The following GTPBP3 variants were observed in gnomAD, a reference collection of about 807,000 sequenced individuals.
GTPBP3 encodes GTP binding protein 3, mitochondrial.
GTPBP3 carries 35 observed loss-of-function variants against 42.0 expected under a neutral mutation model. That is an observed-to-expected ratio of 0.83 (90% confidence interval 0.64 to 1.10). The LOEUF (loss-of-function observed/expected upper bound fraction) is 1.10. Among genes scored for constraint, GTPBP3 ranks in the 50% least tolerant of loss-of-function variants. The probability of loss-of-function intolerance (pLI) is 0.00; values close to 1 mark genes in which losing one functional copy is unlikely to be tolerated. For synonymous variants in GTPBP3, 332 were observed against 314.9 expected (o/e 1.05, Z -0.58); for missense variants, 691 against 685.2 (o/e 1.01, Z -0.09).
rs571697848 is a variant in GTPBP3 at position 17,341,376 on chromosome 19, C to T, written c.1253+54C>T. 7.1e-6 allele frequency: 11 copies of T among 1,550,858 alleles called. No individual in the cohort carries two copies. In the East Asian group the frequency reaches 9.1e-5, roughly 13 times the overall value. ...CTGACCCACAGTTTAAGTGTGGGTC[C>T]CTCAACTTCAATTTCTGAACCTACA... On this transcript the variant is annotated intron_variant, in intron 8 of 8. Transcript: ENST00000324894.
rs776858304 is a variant in GTPBP3 at position 17,338,683 on chromosome 19, G to A, written c.533G>A (p.Arg178Lys). 3 of 1,613,684 alleles carry A rather than the reference G, an allele frequency of 1.9e-6. No homozygotes were observed. The East Asian group carries it at 6.7e-5, about 36-fold the overall frequency. ...GAGGCGCAGCGGCGGCAGGCCCTCA[G>A]GCAGCTGGACGGAGAGCTGGGCCAC... ...ETEAQRRQAL[R>K]QLDGELGHLC... is the part of the protein sequence containing the mutation. The change falls in exon 4 of 9, where the codon AGG becomes AAG. Residue 178 changes from arginine (R) to lysine (K), a missense_variant. Physicochemically the swap from Arg to Lys is conservative, Grantham distance 26. Coordinates refer to ENST00000324894, the MANE Select transcript of GTPBP3 (RefSeq NM_032620.4).
chr19:17,339,795 G>A (rs2074411132), intron 7 of GTPBP3, among the ~76,000 whole-genome samples, 196 bp downstream of exon 7: 1 of 146,748 alleles, frequency 6.8e-6, no homozygotes, highest in South Asian at 2.2e-4. Flanking sequence ...CGCCCAGGCT[G>A]GAGTGCAGTG....
In GTPBP3 at chr19:17,338,245, C is replaced by T. The variant is rs887713106; in HGVS notation, c.291C>T (p.Leu97=). The change falls in exon 2 of 9, where the codon CTC becomes CTT. Residue 97 remains leucine (L), a synonymous_variant. Transcript: ENST00000324894. ...SGEPLDRALV[L]WFPGPQSFTG... is the part of the protein sequence containing the mutation. ...AGCCTCTGGACCGCGCACTGGTGCT[C>T]TGGTTCCCAGGTGAGGGTCCCCAGG... The T allele has an allele frequency of 6.3e-7, 1 of 1,589,920 alleles. No individual in the cohort carries two copies. Among genetic ancestry groups the T allele is most frequent in the East Asian group, 2.3e-5 (1 of 44,088 alleles).
In GTPBP3 at chr19:17,338,054, G is replaced by A. The variant is rs1298983038; in HGVS notation, c.100G>A (p.Ala34Thr). ...SSGAPAPGSG[A>T]TIFALSSGQG... is the part of the protein sequence containing the mutation. ...CGGCGCACCAGCCCCCGGCTCCGGC[G>A]CCACCATCTTCGCGCTAAGCTCTGG... The change falls in exon 2 of 9, where the codon GCC becomes ACC. Residue 34 changes from alanine (A) to threonine (T), a missense_variant. Coordinates refer to ENST00000324894, the MANE Select transcript of GTPBP3 (RefSeq NM_032620.4). 5 of 1,597,702 alleles carry A rather than the reference G, an allele frequency of 3.1e-6. No homozygotes were observed. In the African/African-American group the frequency reaches 6.7e-5, roughly 21 times the overall value.
chr19:17,338,054 G>T lies in GTPBP3; in HGVS notation c.100G>T (p.Ala34Ser). 1 of 1,597,820 alleles carries T rather than the reference G, an allele frequency of 6.3e-7. No individual in the cohort carries two copies. The highest frequency in any genetic ancestry group is 8.5e-7 in the Non-Finnish European group (1 of 1,179,448). Residue 34 changes from alanine to serine, a missense_variant, in exon 2 of 9, where the codon GCC (alanine) becomes TCC (serine). Transcript: ENST00000324894. Reference protein sequence around the residue: ...SSGAPAPGSGATIFALSSGQG... With the variant: ...SSGAPAPGSGSTIFALSSGQG... ...CGGCGCACCAGCCCCCGGCTCCGGC[G>T]CCACCATCTTCGCGCTAAGCTCTGG...
rs774570919 is a variant in GTPBP3, at chr19:17,338,645, C to T, written c.495C>T (p.Ile165=). 70 of 1,613,800 alleles carry T rather than the reference C, an allele frequency of 4.3e-5. No individual in the cohort carries two copies. The highest frequency in any genetic ancestry group is 5.6e-5 in the Non-Finnish European group (66 of 1,179,980). ...LTEVEGLADL[I]HAETEAQRRQ... ...AAGTGGAGGGGCTGGCGGACCTTAT[C>T]CACGCGGAAACAGAGGCGCAGCGGC... Residue 165 remains isoleucine, a synonymous_variant, in exon 4 of 9, where the codon ATC becomes ATT. Coordinates refer to ENST00000324894, the MANE Select transcript of GTPBP3 (RefSeq NM_032620.4).
rs1568365690 is a variant in GTPBP3 at position 17,338,155 on chromosome 19, AC to A, written c.205del (p.Arg69GlufsTer54). On this transcript the variant is annotated frameshift_variant, in exon 2 of 9. Transcript: ENST00000324894. LOFTEE classifies it high-confidence loss of function. Reference protein sequence around the residue: ...SGHALRILTAPRDLPLARHAS... With the variant: ...SGHALRILTAXRDLPLARHAS... ...GCCACGCCCTCCGAATTCTCACAGC[AC>A]CCCGAGACCTGCCCCTTGCTCGCCA... 1 of 1,592,002 alleles carries A rather than the reference AC, an allele frequency of 6.3e-7. No individual in the cohort carries two copies. Among genetic ancestry groups the A allele is most frequent in the Non-Finnish European group, 8.5e-7 (1 of 1,176,480 alleles).
At chr19:17,340,844 C>T in intron 7 of GTPBP3, 200 bp from the exon 8 acceptor site, 1 of 486,856 alleles carries the variant, frequency 2.1e-6, no homozygotes, top group Non-Finnish European at 3.7e-6. Flanking sequence ...CTGTGCCCCG[C>T]CCCTCTTGCT....
intron 7 of GTPBP3, among the ~76,000 whole-genome samples, chr19:17,340,161 A>G (rs893617325): frequency 6.6e-6 from 1 of 151,732 alleles, no homozygotes; most frequent in African/African-American, 2.4e-5. Context: ...GGGCCTCCCG[A>G]GTAGCTGGGA....
chr19:17,339,556 G>T lies in GTPBP3; in HGVS notation c.931G>T (p.Val311Leu), dbSNP rs140393384. The T allele has an allele frequency of 6.2e-7, 1 of 1,612,508 alleles. No individual in the cohort carries two copies. The highest frequency in any genetic ancestry group is 8.5e-7 in the Non-Finnish European group (1 of 1,179,666). The stretch of plus-strand genomic sequence containing the variant: ...CGACACGGCTGGGTTGCGGGAGGGC[G>T]TGGGGCCCGTGGAGCAGGAGGGCGT... Reference protein sequence around the residue: ...LSDTAGLREGVGPVEQEGVRR... With the variant: ...LSDTAGLREGLGPVEQEGVRR... The change falls in exon 7 of 9, where the codon GTG (valine) becomes TTG (leucine). Residue 311 changes from valine (V) to leucine (L), a missense_variant. Val to Leu is a conservative substitution (Grantham distance 32). Coordinates refer to ENST00000324894, the MANE Select transcript of GTPBP3 (RefSeq NM_032620.4).
Position 17,339,565 on chromosome 19 carries a change from G to T in GTPBP3, c.940G>T (p.Val314Leu). Residue 314 changes from valine (V) to leucine (L), a missense_variant, in exon 7 of 9, where the codon GTG (valine) becomes TTG (leucine). Coordinates refer to ENST00000324894, the MANE Select transcript of GTPBP3 (RefSeq NM_032620.4). Reference sequence around the variant, plus strand: ...TGGGTTGCGGGAGGGCGTGGGGCCCGTGGAGCAGGAGGGCGTGCGGCGCGC... The same window carrying T: ...TGGGTTGCGGGAGGGCGTGGGGCCCTTGGAGCAGGAGGGCGTGCGGCGCGC... The part of the protein sequence containing the change: ...TAGLREGVGP[V>L]EQEGVRRARE... 6.2e-7 allele frequency: 1 copy of T among 1,612,134 alleles called. No individual in the cohort carries two copies. Among genetic ancestry groups the T allele is most frequent in the Non-Finnish European group, 8.5e-7 (1 of 1,179,614 alleles).
Position 17,338,044 on chromosome 19 carries a change from C to G in GTPBP3, c.90C>G (p.Pro30=), listed in dbSNP as rs1470781128. The change falls in exon 2 of 9, where the codon CCC becomes CCG. Residue 30 remains proline (P), a synonymous_variant. Coordinates refer to ENST00000324894, the MANE Select transcript of GTPBP3 (RefSeq NM_032620.4). ...CTRRSSGAPA[P]GSGATIFALS... is the part of the protein sequence containing the mutation. ...GCCGGAGCAGCGGCGCACCAGCCCC[C>G]GGCTCCGGCGCCACCATCTTCGCGC... is the stretch of plus-strand genomic sequence containing the variant. 1.9e-6 allele frequency: 3 copies of G among 1,597,912 alleles called. No homozygotes were observed. The highest frequency in any genetic ancestry group is 2.2e-5 in the East Asian group (1 of 44,824).
chr19:17,337,758 G>T, intron 1 of GTPBP3, 94 bp downstream of exon 1: 1 of 1,367,868 alleles, frequency 7.3e-7, no homozygotes. Context: ...CCCTGCGGCA[G>T]AGCAATCATT....
rs2074437079 is a variant in GTPBP3, at chr19:17,341,938, G to A, written c.*235G>A. On this transcript the variant is annotated 3_prime_UTR_variant, in exon 9 of 9. Coordinates refer to ENST00000324894, the MANE Select transcript of GTPBP3 (RefSeq NM_032620.4). ...CGACCCTTGATGCTGGGGCATCCGG[G>A]TTGGGATGGAGATAGGAGGATCTCA... 4.7e-6 allele frequency: 2 copies of A among 426,784 alleles called. No homozygotes were observed. The highest frequency in any genetic ancestry group is 4.1e-5 in the African/African-American group (2 of 49,246). The allele number at this position is 426,784 out of a possible 1,614,324, so 26.4% of individuals were successfully genotyped here. A position where few individuals can be genotyped will look rare whatever the true frequency, so the allele number is the denominator to read the frequency against.
At position 17,339,589 on chromosome 19, in the gene GTPBP3, G is replaced by T. The variant is rs372174278; in HGVS notation, c.964G>T (p.Ala322Ser). Residue 322 changes from alanine (A) to serine (S), a missense_variant, in exon 7 of 9, where the codon GCC (alanine) becomes TCC (serine). Coordinates refer to ENST00000324894, the MANE Select transcript of GTPBP3 (RefSeq NM_032620.4). ...GPVEQEGVRR[A>S]RERLEQADLI... ...CGTGGAGCAGGAGGGCGTGCGGCGC[G>T]CCCGGGAGAGGTGGGCGGACAGGGT... The T allele has an allele frequency of 1.2e-6, 2 of 1,605,352 alleles. No individual in the cohort carries two copies. Among genetic ancestry groups the T allele is most frequent in the Non-Finnish European group, 8.5e-7 (1 of 1,178,222 alleles).
At chr19:17,340,329 G>T (rs1029892854) in intron 7 of GTPBP3, among the ~76,000 whole-genome samples, 1 of 152,112 alleles carries the variant, frequency 6.6e-6, no homozygotes, top group Admixed American at 6.6e-5. Flanking sequence ...TAGCCACTGT[G>T]CCCGGCCAGT....
chr19:17,338,560 CG>C lies in GTPBP3; in HGVS notation c.412del (p.Ala138ArgfsTer16). The C allele has an allele frequency of 6.2e-7, 1 of 1,613,838 alleles. No individual in the cohort carries two copies. Among genetic ancestry groups the C allele is most frequent in the Non-Finnish European group, 8.5e-7 (1 of 1,179,820 alleles). ...QALGSVPGLR[P>X]AEAGEFTRRA... ...GCAGGCAGCGTGCCAGGGCTTCGAC[CG>C]GCGGAGGCAGGCGAGTTCACCAGAC... is the stretch of plus-strand genomic sequence containing the variant. On this transcript the variant is annotated frameshift_variant, in exon 4 of 9. Transcript: ENST00000324894. LOFTEE classifies it high-confidence loss of function.
intron 1 of GTPBP3, 55 bp downstream of exon 1, chr19:17,337,719 C>A (rs902624134): frequency 2.1e-6 from 3 of 1,407,324 alleles, no homozygotes; most frequent in Non-Finnish European, 2.8e-6. Context: ...GGACCCCAGA[C>A]CCACTCCCTG....
rs1210050982 is a variant in GTPBP3, at chr19:17,341,071, C to T, written c.1002C>T (p.Ala334=). 6.2e-7 allele frequency: 1 copy of T among 1,613,806 alleles called. No individual in the cohort carries two copies. Among genetic ancestry groups the T allele is most frequent in the South Asian group, 1.1e-5 (1 of 91,082 alleles). The change falls in exon 8 of 9, where the codon GCC becomes GCT. Residue 334 remains alanine, a synonymous_variant. Coordinates refer to ENST00000324894, the MANE Select transcript of GTPBP3 (RefSeq NM_032620.4). The part of the protein sequence containing the change: ...ERLEQADLIL[A]MLDASDLASP... ...TAGAGCAGGCTGACCTCATTCTGGCCATGCTGGATGCTTCTGACCTGGCCT... is the reference window on the plus strand; with the variant it reads ...TAGAGCAGGCTGACCTCATTCTGGCTATGCTGGATGCTTCTGACCTGGCCT...
Sources: allele counts gnomAD v4.1 joint callset (sites outside exome capture counted in the v4.1 genomes callset), GRCh38; gene constraint gnomAD v4.1.1; transcripts MANE v1.5; gene names NCBI Gene and HGNC (gene_info 2026-07-23, HGNC 2026-07-21).